Variants in PLSCR3 observed in about 807,000 individuals in gnomAD.
PLSCR3 encodes the protein PL scramblase 3.
PLSCR3 carries 17 observed loss-of-function variants against 33.7 expected under a neutral mutation model. The observed-to-expected ratio is 0.50, with a 90% CI of 0.35 to 0.76. The LOEUF (loss-of-function observed/expected upper bound fraction) is 0.76. PLSCR3 is among the 30% of genes least tolerant of loss of function. The pLI, the probability that PLSCR3 is intolerant of heterozygous loss-of-function variation, is 0.01. For synonymous variants in PLSCR3, 166 were observed against 166.0 expected, an observed-to-expected ratio of 1.00 and a Z score of 0.00; for missense variants, 360 against 394.1, an observed-to-expected ratio of 0.91 and a Z score of 0.73.
rs1268942225 is a variant in PLSCR3 at position 7,394,257 on chromosome 17, G to A, written c.-147C>T. On this transcript the variant is annotated 5_prime_UTR_variant, in exon 2 of 8. Coordinates refer to ENST00000619711, the MANE Select transcript of PLSCR3 (RefSeq NM_020360.4). This position sits in a 1 kb window ranked among gnomAD's most constrained non-coding sequence, Gnocchi z 5.3. ...GCCCGGCGCCGGCCCAGGGTCTCTT[G>A]GGCGGCGCCTCTGACTCGGGGAGAA... The A allele has an allele frequency of 4.3e-6, 3 of 694,248 alleles. No individual in the cohort carries two copies. The highest frequency in any genetic ancestry group is 3.6e-5 in the African/African-American group (2 of 55,854). 43.0% of individuals were successfully genotyped at this position (694,248 alleles called of 1,614,324 possible).
Position 7,390,655 on chromosome 17 carries a change from C to G in PLSCR3, c.810G>C (p.Leu270=), listed in dbSNP as rs1328084317. 6.2e-7 allele frequency: 1 copy of G among 1,613,946 alleles called. No individual in the cohort carries two copies. Residue 270 remains leucine (L), a synonymous_variant, in exon 7 of 8, where the codon CTG becomes CTC. Coordinates refer to ENST00000619711, the MANE Select transcript of PLSCR3 (RefSeq NM_020360.4). ...LDLDVRVKAV[L]LGATFLIDYM... is the part of the protein sequence containing the mutation. The stretch of plus-strand genomic sequence containing the variant: ...TCACAATGAGGAATGTGGCTCCCAG[C>G]AGCACAGCCTTCACCCTCACATCCA...
rs1905820444 is a variant in PLSCR3 at position 7,392,785 on chromosome 17, T to C, written c.669+6A>G. On this transcript the variant is annotated splice_donor_region_variant and intron_variant, in intron 6 of 7. Coordinates refer to ENST00000619711, the MANE Select transcript of PLSCR3 (RefSeq NM_020360.4). Reference sequence around the variant, plus strand: ...AGGTCCCAAGAGCCTCTAGTATTCCTGATACCTCAAAGTTGGTGTCTGTGC... The same window carrying C: ...AGGTCCCAAGAGCCTCTAGTATTCCCGATACCTCAAAGTTGGTGTCTGTGC... 2 of 1,613,616 alleles carry C rather than the reference T, an allele frequency of 1.2e-6. No homozygotes were observed. The highest frequency in any genetic ancestry group is 1.7e-6 in the Non-Finnish European group (2 of 1,179,880).
At position 7,390,105 on chromosome 17, in the gene PLSCR3, G is replaced by A. The variant is rs189301132; in HGVS notation, c.*280C>T. ...TCCTTTGGAGCAGAGGCCCTGGAAG[G>A]GGGTGGGAGAGAGTGCATGGGGAAA... is the stretch of plus-strand genomic sequence containing the variant. On this transcript the variant is annotated 3_prime_UTR_variant, in exon 8 of 8. Coordinates refer to ENST00000619711, the MANE Select transcript of PLSCR3 (RefSeq NM_020360.4). 1 of 348,210 alleles carries A rather than the reference G, an allele frequency of 2.9e-6. No individual in the cohort carries two copies. Among genetic ancestry groups the A allele is most frequent in the Admixed American group, 4.3e-5 (1 of 23,484 alleles). The allele number at this position is 348,210 out of a possible 1,614,324, so 21.6% of individuals were successfully genotyped here. A position where few individuals can be genotyped will look rare whatever the true frequency, so the allele number is the denominator to read the frequency against.
Position 7,394,117 on chromosome 17 carries a change from A to C in PLSCR3, c.-7T>G, listed in dbSNP as rs1567653160. 1 of 1,613,038 alleles carries C rather than the reference A, an allele frequency of 6.2e-7. No individual in the cohort carries two copies. Reference sequence around the variant, plus strand: ...GCGCGCACTTACCTGCCATGGGAGAAGGGCTGGGGTTTTCGAGATGATGGT... The same window carrying C: ...GCGCGCACTTACCTGCCATGGGAGACGGGCTGGGGTTTTCGAGATGATGGT... On this transcript the variant is annotated 5_prime_UTR_variant, in exon 2 of 8. Transcript: ENST00000619711. This position sits in a 1 kb window ranked among gnomAD's most constrained non-coding sequence, Gnocchi z 5.3.
In PLSCR3 at chr17:7,391,789, G is replaced by A. The variant is rs1043681131; in HGVS notation, c.670-994C>T. 6.6e-6 allele frequency among the ~76,000 whole-genome samples: 1 copy of A among 152,210 alleles called. No individual in the cohort carries two copies. The highest frequency in any genetic ancestry group is 1.5e-5 in the Non-Finnish European group (1 of 68,042). ...CTGGCTACCAAGGTGACTCATTTTT[G>A]CAAAGTAACCTTAGGTAGGGTACCT... On this transcript the variant is annotated intron_variant, in intron 6 of 7. Coordinates refer to ENST00000619711, the MANE Select transcript of PLSCR3 (RefSeq NM_020360.4). This position sits in a 1 kb window ranked among gnomAD's most constrained non-coding sequence, Gnocchi z 4.1.
In PLSCR3 at chr17:7,392,850, C is replaced by G. The variant is rs376954900; in HGVS notation, c.610G>C (p.Val204Leu). 8 of 1,614,024 alleles carry G rather than the reference C, an allele frequency of 5.0e-6. No individual in the cohort carries two copies. In the African/African-American group the frequency reaches 1.1e-4, roughly 22 times the overall value. The change falls in exon 6 of 8, where the codon GTC (valine) becomes CTC (leucine). Residue 204 changes from valine (V) to leucine (L), a missense_variant. Coordinates refer to ENST00000619711, the MANE Select transcript of PLSCR3 (RefSeq NM_020360.4). ...FSIQDADRQT[V>L]LRVVGPCWTC... ...CAGCAGGGCCCCACCACTCGCAAGACTGTCTGGCGATCGGCATCCTGGATG... is the reference window on the plus strand; with the variant it reads ...CAGCAGGGCCCCACCACTCGCAAGAGTGTCTGGCGATCGGCATCCTGGATG...
Position 7,390,678 on chromosome 17 carries a change from C to G in PLSCR3, c.787G>C (p.Asp263His), listed in dbSNP as rs934602838. 3.1e-6 allele frequency: 5 copies of G among 1,614,042 alleles called. No homozygotes were observed. The African/African-American group carries it at 5.3e-5, about 17-fold the overall frequency. ...DFGLQFPLDL[D>H]VRVKAVLLGA... Reference sequence around the variant, plus strand: ...AGCAGCACAGCCTTCACCCTCACATCCAGGTCCAGCGGGAACTGTAGGCCA... The same window carrying G: ...AGCAGCACAGCCTTCACCCTCACATGCAGGTCCAGCGGGAACTGTAGGCCA... The change falls in exon 7 of 8, where the codon GAT becomes CAT. Residue 263 changes from aspartate (D) to histidine (H), a missense_variant. Physicochemically the swap from Asp to His is moderately conservative, Grantham distance 81. Coordinates refer to ENST00000619711, the MANE Select transcript of PLSCR3 (RefSeq NM_020360.4).
chr17:7,390,267 C>T lies in PLSCR3; in HGVS notation c.*118G>A. 1.2e-6 allele frequency: 1 copy of T among 805,264 alleles called. No individual in the cohort carries two copies. The highest frequency in any genetic ancestry group is 1.9e-5 in the South Asian group (1 of 52,088). The allele number at this position is 805,264 out of a possible 1,614,324, so 49.9% of individuals were successfully genotyped here. On this transcript the variant is annotated 3_prime_UTR_variant, in exon 8 of 8. Transcript: ENST00000619711. ...CCAGGGAGTAGGGTAGGGATGGGGC[C>T]CCCCTTCTGTCCCCTGCAGTGTACA...
intron 2 of PLSCR3, 116 bp downstream of exon 2, chr17:7,393,988 A>T (rs1244494845): frequency 7.9e-7 from 1 of 1,272,362 alleles, no homozygotes; most frequent in African/African-American, 1.5e-5. Context: ...GTTCCCCGGA[A>T]GGAAGGGAGG....
In PLSCR3 at chr17:7,393,523, G is replaced by C; in HGVS notation, c.244-14C>G. 6.2e-7 allele frequency: 1 copy of C among 1,614,080 alleles called. No homozygotes were observed. Among genetic ancestry groups the C allele is most frequent in the Non-Finnish European group, 8.5e-7 (1 of 1,180,006 alleles). Reference sequence around the variant, plus strand: ...AATCTGATCAATCTGGAAAGAGAGGGGCGGCGCGCACATCAGCTGGCCCAT... The same window carrying C: ...AATCTGATCAATCTGGAAAGAGAGGCGCGGCGCGCACATCAGCTGGCCCAT... On this transcript the variant is annotated splice_polypyrimidine_tract_variant and intron_variant, in intron 3 of 7. Transcript: ENST00000619711.
In PLSCR3 at chr17:7,393,526, GGCGC is replaced by G; in HGVS notation, c.244-21_244-18del. On this transcript the variant is annotated intron_variant, in intron 3 of 7. Coordinates refer to ENST00000619711, the MANE Select transcript of PLSCR3 (RefSeq NM_020360.4). ...CTGATCAATCTGGAAAGAGAGGGGC[GGCGC>G]GCACATCAGCTGGCCCATCTGGACG... The G allele has an allele frequency of 6.2e-7, 1 of 1,614,074 alleles. No homozygotes were observed. The highest frequency in any genetic ancestry group is 8.5e-7 in the Non-Finnish European group (1 of 1,179,996).
chr17:7,393,930 C>G, intron 2 of PLSCR3, 94 bp from the exon 3 acceptor site: 2 of 1,103,610 alleles, frequency 1.8e-6, no homozygotes, highest in Non-Finnish European at 2.6e-6. Context: ...TCGGGGGAAA[C>G]GTGGTGGCAA....
In PLSCR3 at chr17:7,391,441, C is replaced by T. The variant is rs1254873239; in HGVS notation, c.670-646G>A. ...TGAGGACCACAATTTCCACTGGCTT[C>T]TCTGAGCCACACAGCAACAGGCTCT... On this transcript the variant is annotated intron_variant, in intron 6 of 7. Transcript: ENST00000619711. The surrounding 1 kb of genome is among the most constrained non-coding windows in gnomAD (Gnocchi z 4.1). Among the ~76,000 whole-genome samples, 1 of 152,248 alleles carries T rather than the reference C, an allele frequency of 6.6e-6. No individual in the cohort carries two copies. The highest frequency in any genetic ancestry group is 1.5e-5 in the Non-Finnish European group (1 of 68,046).
Position 7,390,031 on chromosome 17 carries a change from C to A in PLSCR3, c.*354G>T. On this transcript the variant is annotated 3_prime_UTR_variant, in exon 8 of 8. Transcript: ENST00000619711. ...CCGTCTTTGGTGCAGCTTGCCCTTC[C>A]ACACCCCAGCCCTCTTGTAAAACCC... 4.8e-6 allele frequency: 1 copy of A among 208,226 alleles called. No homozygotes were observed. Among genetic ancestry groups the A allele is most frequent in the South Asian group, 1.5e-4 (1 of 6,460 alleles). The allele number at this position is 208,226 out of a possible 1,614,324, so 12.9% of individuals were successfully genotyped here. A position where few individuals can be genotyped will look rare whatever the true frequency, so the allele number is the denominator to read the frequency against.
Position 7,391,707 on chromosome 17 carries a change from G to T in PLSCR3, c.670-912C>A, listed in dbSNP as rs1047940560. On this transcript the variant is annotated intron_variant, in intron 6 of 7. Coordinates refer to ENST00000619711, the MANE Select transcript of PLSCR3 (RefSeq NM_020360.4). This position sits in a 1 kb window ranked among gnomAD's most constrained non-coding sequence, Gnocchi z 4.1. ...CCCACAGCCTATACATTCCCATCTGGAGATCACGCAGTTATTATATCTTAT... is the reference window on the plus strand; with the variant it reads ...CCCACAGCCTATACATTCCCATCTGTAGATCACGCAGTTATTATATCTTAT... Among the ~76,000 whole-genome samples the T allele has an allele frequency of 2.0e-5, 3 of 152,170 alleles. No individual in the cohort carries two copies. Among genetic ancestry groups the T allele is most frequent in the Non-Finnish European group, 2.9e-5 (2 of 68,026 alleles).
At chr17:7,390,572 C>A (rs766645137) in intron 7 of PLSCR3, 62 bp downstream of exon 7, 1 of 1,599,744 alleles carries the variant, frequency 6.3e-7, no homozygotes, top group Non-Finnish European at 8.6e-7. Context: ...CCAGGAAATG[C>A]ATAAAGCTTC....
At position 7,390,069 on chromosome 17, in the gene PLSCR3, TTCC is replaced by T. The variant is rs1905525298; in HGVS notation, c.*313_*315del. 26 of 274,124 alleles carry T rather than the reference TTCC, an allele frequency of 9.5e-5. No homozygotes were observed. Among genetic ancestry groups the T allele is most frequent in the Middle Eastern group, 1.2e-3 (1 of 846 alleles). The allele number at this position is 274,124 out of a possible 1,614,324, so 17.0% of individuals were successfully genotyped here. On this transcript the variant is annotated 3_prime_UTR_variant, in exon 8 of 8. Transcript: ENST00000619711. ...TCTTGTAAAACCCCAGAGTCCTGGG[TTCC>T]AGAGGCCTCCTTTGGAGCAGAGGCC...
chr17:7,391,268 G>T lies in PLSCR3; in HGVS notation c.670-473C>A, dbSNP rs535678360. 6.6e-6 allele frequency among the ~76,000 whole-genome samples: 1 copy of T among 152,316 alleles called. No individual in the cohort carries two copies. Among genetic ancestry groups the T allele is most frequent in the Admixed American group, 6.5e-5 (1 of 15,298 alleles). ...TGGCTGTACTTCACCAGTCAAGAAG[G>T]CTCCTAGAAGGCTATGTCTACCCCG... On this transcript the variant is annotated intron_variant, in intron 6 of 7. Transcript: ENST00000619711. The surrounding 1 kb of genome is among the most constrained non-coding windows in gnomAD (Gnocchi z 4.1).
chr17:7,390,867 C>T, intron 6 of PLSCR3, 72 bp from the exon 7 acceptor site: 2 of 1,499,148 alleles, frequency 1.3e-6, no homozygotes, highest in Non-Finnish European at 1.8e-6. Context: ...AGTCTCATTC[C>T]CACAGTCGCA....
Sources: allele counts gnomAD v4.1 joint callset (sites outside exome capture counted in the v4.1 genomes callset), GRCh38; gene constraint gnomAD v4.1.1; non-coding constraint Gnocchi (gnomAD v3.1); transcripts MANE v1.5; gene names NCBI Gene and HGNC (gene_info 2026-07-23, HGNC 2026-07-21).